The following ISG20L2 variants were observed in gnomAD, a reference collection of about 807,000 sequenced individuals.
ISG20L2 encodes the protein interferon stimulated exonuclease gene 20 like 2.
ISG20L2 carries 14 observed loss-of-function variants against 27.8 expected under a neutral mutation model. That is an observed-to-expected ratio of 0.50 (90% CI 0.33 to 0.79). ISG20L2 has a LOEUF of 0.79. ISG20L2 is among the 30% of genes least tolerant of loss of function. The pLI is 0.02. For synonymous variants in ISG20L2, 157 were observed against 165.7 expected (o/e 0.95, Z 0.40); for missense variants, 393 against 435.1 (o/e 0.90, Z 0.86).
At chr1:156,725,928 A>T (rs1330208615) in intron 2 of ISG20L2, 4 of 985,418 alleles carry the variant, frequency 4.1e-6, no homozygotes, top group East Asian at 2.3e-4. Flanking sequence ...GAGAGGGCAG[A>T]GTGTGGACCT....
intron 2 of ISG20L2, chr1:156,725,241 C>A (rs1648700671): frequency 6.6e-6 from 1 of 152,230 alleles, no homozygotes; most frequent in Non-Finnish European, 1.5e-5. Flanking sequence ...TGAGCCACCA[C>A]ACCTGGCCTT....
chr1:156,727,562 T>C lies in ISG20L2; in HGVS notation c.91A>G (p.Lys31Glu). ...GNAKHRNFVK[K>E]RRLLERRGFL... ...CCTCTCCGTTCTAAGAGCCTCCGCTTCTTGACAAAATTTCGGTGCTTGGCA... is the reference window on the plus strand; with the variant it reads ...CCTCTCCGTTCTAAGAGCCTCCGCTCCTTGACAAAATTTCGGTGCTTGGCA... Residue 31 changes from lysine to glutamate, a missense_variant, in exon 2 of 4, where the codon AAG becomes GAG. Coordinates refer to ENST00000368219, the MANE Select transcript of ISG20L2 (RefSeq NM_001370150.2). 6.2e-7 allele frequency: 1 copy of C among 1,614,198 alleles called. No homozygotes were observed. The highest frequency in any genetic ancestry group is 8.5e-7 in the Non-Finnish European group (1 of 1,180,034).
In ISG20L2 at chr1:156,727,776, A is replaced by T; in HGVS notation, c.-117-7T>A. 1.3e-6 allele frequency: 2 copies of T among 1,492,702 alleles called. No homozygotes were observed. Among genetic ancestry groups the T allele is most frequent in the Non-Finnish European group, 1.8e-6 (2 of 1,130,924 alleles). The allele number at this position is 1,492,702 out of a possible 1,614,324, so 92.5% of individuals were successfully genotyped here. On this transcript the variant is annotated splice_region_variant and splice_polypyrimidine_tract_variant and intron_variant, in intron 1 of 3. Transcript: ENST00000368219. ...TGGAGGTCTGTAGTACACCCTGGGG[A>T]AGAAAGTGATCCTGGTAATTGAGCT... is the stretch of plus-strand genomic sequence containing the variant.
At chr1:156,727,846 C>G in intron 1 of ISG20L2, 77 bp from the exon 2 acceptor site, 1 of 1,393,210 alleles carries the variant, frequency 7.2e-7, no homozygotes, top group African/African-American at 1.4e-5. Context: ...CTCCGTAGGA[C>G]TTATGGAAGG....
Position 156,725,844 on chromosome 1 carries a change from T to C in ISG20L2, c.747+1062A>G, listed in dbSNP as rs1189615070. On this transcript the variant is annotated intron_variant, in intron 2 of 3. Coordinates refer to ENST00000368219, the MANE Select transcript of ISG20L2 (RefSeq NM_001370150.2). Reference sequence around the variant, plus strand: ...ACTCTTCTTTCCGTCTTTTCTAAAATAGTCAGTCACCTCACCTCTAACGAA... The same window carrying C: ...ACTCTTCTTTCCGTCTTTTCTAAAACAGTCAGTCACCTCACCTCTAACGAA... 7 of 982,440 alleles carry C rather than the reference T, an allele frequency of 7.1e-6. No individual in the cohort carries two copies. In the South Asian group the frequency reaches 1.4e-4, roughly 20 times the overall value. The allele number at this position is 982,440 out of a possible 1,614,324, so 60.9% of individuals were successfully genotyped here. A position where few individuals can be genotyped will look rare whatever the true frequency, so the allele number is the denominator to read the frequency against.
chr1:156,726,318 T>C, intron 2 of ISG20L2: 3 of 985,422 alleles, frequency 3.0e-6, no homozygotes, highest in Non-Finnish European at 3.6e-6. Context: ...ATCAAGCCCT[T>C]TCTCCTGACA....
rs566578535 is a variant in ISG20L2 at position 156,723,263 on chromosome 1, G to A, written c.*86C>T. Reference sequence around the variant, plus strand: ...CAAATCTAGCTTCCAAAGATGTGGAGCTGGTGGAGCTGTCCATTGGTCCAC... The same window carrying A: ...CAAATCTAGCTTCCAAAGATGTGGAACTGGTGGAGCTGTCCATTGGTCCAC... On this transcript the variant is annotated 3_prime_UTR_variant, in exon 4 of 4. Transcript: ENST00000368219. 4.7e-6 allele frequency: 7 copies of A among 1,492,532 alleles called. No individual in the cohort carries two copies. In the African/African-American group the frequency reaches 6.9e-5, roughly 15 times the overall value. 92.5% of individuals were successfully genotyped at this position (1,492,532 alleles called of 1,614,324 possible). A position where few individuals can be genotyped will look rare whatever the true frequency, so the allele number is the denominator to read the frequency against.
intron 2 of ISG20L2, chr1:156,725,574 G>A (rs1469392464): frequency 6.6e-6 from 1 of 152,292 alleles, no homozygotes; most frequent in African/African-American, 2.4e-5. Context: ...ACATACCTTA[G>A]TCTCATAACC....
Position 156,723,099 on chromosome 1 carries a change from T to C in ISG20L2, c.*250A>G, listed in dbSNP as rs1648605857. ...CCTGGGACACCTGTGGTTAGCACCATTTAAGAAGTAAAAGGTATAGGGTTG... is the reference window on the plus strand; with the variant it reads ...CCTGGGACACCTGTGGTTAGCACCACTTAAGAAGTAAAAGGTATAGGGTTG... On this transcript the variant is annotated 3_prime_UTR_variant, in exon 4 of 4. Coordinates refer to ENST00000368219, the MANE Select transcript of ISG20L2 (RefSeq NM_001370150.2). 2 of 470,332 alleles carry C rather than the reference T, an allele frequency of 4.3e-6. No individual in the cohort carries two copies. The highest frequency in any genetic ancestry group is 7.7e-6 in the Non-Finnish European group (2 of 261,266). The allele number at this position is 470,332 out of a possible 1,614,324, so 29.1% of individuals were successfully genotyped here.
intron 2 of ISG20L2, chr1:156,724,584 C>T: frequency 1.2e-5 from 15 of 1,300,642 alleles, no homozygotes; most frequent in Non-Finnish European, 1.5e-5. Flanking sequence ...GGCTCCTTAC[C>T]TTCTTATTGA....
In ISG20L2 at chr1:156,723,215, C is replaced by T. The variant is rs771972255; in HGVS notation, c.*134G>A. On this transcript the variant is annotated 3_prime_UTR_variant, in exon 4 of 4. Coordinates refer to ENST00000368219, the MANE Select transcript of ISG20L2 (RefSeq NM_001370150.2). ...GGTGAAATTTCAATGGGTATTAAGT[C>T]TGGGGTAGAGCTTCTCTCTCCCCAA... The T allele has an allele frequency of 1.0e-5, 11 of 1,095,574 alleles. No homozygotes were observed. Among genetic ancestry groups the T allele is most frequent in the Non-Finnish European group, 1.3e-5 (10 of 748,290 alleles). 67.9% of individuals were successfully genotyped at this position (1,095,574 alleles called of 1,614,324 possible). A position where few individuals can be genotyped will look rare whatever the true frequency, so the allele number is the denominator to read the frequency against.
In ISG20L2 at chr1:156,723,446, T is replaced by A; in HGVS notation, c.965A>T (p.His322Leu). 6.2e-7 allele frequency: 1 copy of A among 1,614,096 alleles called. No homozygotes were observed. The highest frequency in any genetic ancestry group is 8.5e-7 in the Non-Finnish European group (1 of 1,180,000). ...GGCCTGGGCATCTTCCACAGAGGAA[T>A]GTCCGCTCTTCCCAACCTGAGCAAG... ...NRDIQVGKSGHSSVEDAQATM... is the reference protein window; with the variant it reads ...NRDIQVGKSGLSSVEDAQATM... The change falls in exon 4 of 4, where the codon CAT (histidine) becomes CTT (leucine). Residue 322 changes from histidine (H) to leucine (L), a missense_variant. Transcript: ENST00000368219.
chr1:156,725,925 C>T, intron 2 of ISG20L2: 3 of 985,540 alleles, frequency 3.0e-6, no homozygotes, highest in Non-Finnish European at 2.4e-6. Context: ...CCAGAGAGGG[C>T]AGAGTGTGGA....
chr1:156,723,624 A>C (rs1648629126), intron 3 of ISG20L2, 162 bp from the exon 4 acceptor site: 1 of 985,250 alleles, frequency 1.0e-6, no homozygotes, highest in Non-Finnish European at 1.2e-6. Context: ...CTCCTTATGT[A>C]ATTTCAGGGG....
chr1:156,726,421 GTTT>G (rs1266259423), intron 2 of ISG20L2: 2 of 985,134 alleles, frequency 2.0e-6, no homozygotes, highest in Non-Finnish European at 2.4e-6. Flanking sequence ...ACCTAAAATA[GTTT>G]TTTTGTTTGT....
chr1:156,724,240 T>C lies in ISG20L2; in HGVS notation c.856A>G (p.Ile286Val), dbSNP rs775476547. Reference sequence around the variant, plus strand: ...TCAGCCTTCCGGTTGAGGGGGGGGATATGGGAGGTGTCACGGGTGAGGGAC... The same window carrying C: ...TCAGCCTTCCGGTTGAGGGGGGGGACATGGGAGGTGTCACGGGTGAGGGAC... ...PKSLTRDTSHIPPLNRKADCP... is the reference protein window; with the variant it reads ...PKSLTRDTSHVPPLNRKADCP... Residue 286 changes from isoleucine (I) to valine (V), a missense_variant, in exon 3 of 4, where the codon ATC (isoleucine) becomes GTC (valine). Physicochemically the swap from Ile to Val is conservative, Grantham distance 29 (BLOSUM62 3). Around this residue, in one of 3 missense-constraint regions of ISG20L2, gnomAD observed 171 missense variants for 195.3 expected, o/e 0.88. Transcript: ENST00000368219. 1 of 1,601,116 alleles carries C rather than the reference T, an allele frequency of 6.2e-7. No homozygotes were observed. The highest frequency in any genetic ancestry group is 1.7e-5 in the Admixed American group (1 of 59,768).
In ISG20L2 at chr1:156,727,531, A is replaced by G. The variant is rs1419087801; in HGVS notation, c.122T>C (p.Leu41Pro). 6.2e-7 allele frequency: 1 copy of G among 1,614,202 alleles called. No individual in the cohort carries two copies. Among genetic ancestry groups the G allele is most frequent in the Non-Finnish European group, 8.5e-7 (1 of 1,180,044 alleles). Residue 41 changes from leucine to proline, a missense_variant, in exon 2 of 4, where the codon CTG (leucine) becomes CCG (proline). By Grantham distance (98) the Leu-to-Pro change is moderately conservative. Coordinates refer to ENST00000368219, the MANE Select transcript of ISG20L2 (RefSeq NM_001370150.2). ...GCTAGGGGGTTGGTTCTTTTTACTC[A>G]GAAAGCCTCTCCGTTCTAAGAGCCT... is the stretch of plus-strand genomic sequence containing the variant. Reference protein sequence around the residue: ...KRRLLERRGFLSKKNQPPSKA... With the variant: ...KRRLLERRGFPSKKNQPPSKA...
Position 156,728,541 on chromosome 1 carries a change from C to G in ISG20L2, c.-244G>C, listed in dbSNP as rs1005298587. 2.0e-6 allele frequency: 2 copies of G among 985,620 alleles called. No individual in the cohort carries two copies. Among genetic ancestry groups the G allele is most frequent in the Non-Finnish European group, 2.4e-6 (2 of 829,910 alleles). 61.1% of individuals were successfully genotyped at this position (985,620 alleles called of 1,614,324 possible). A position where few individuals can be genotyped will look rare whatever the true frequency, so the allele number is the denominator to read the frequency against. On this transcript the variant is annotated 5_prime_UTR_variant, in exon 1 of 4. Coordinates refer to ENST00000368219, the MANE Select transcript of ISG20L2 (RefSeq NM_001370150.2). Reference sequence around the variant, plus strand: ...CGCCAGAGGTCGGCGCGCGCACACCCGCACCGCCCCGACCCCAGGTAGTGA... The same window carrying G: ...CGCCAGAGGTCGGCGCGCGCACACCGGCACCGCCCCGACCCCAGGTAGTGA...
chr1:156,724,400 C>T lies in ISG20L2; in HGVS notation c.748-52G>A, dbSNP rs560389558. 9 of 1,508,068 alleles carry T rather than the reference C, an allele frequency of 6.0e-6. No homozygotes were observed. The Admixed American group carries it at 1.7e-4, about 29-fold the overall frequency. The allele number at this position is 1,508,068 out of a possible 1,614,324, so 93.4% of individuals were successfully genotyped here. ...TGAGAAGGAAGACTGAAGTGGAACC[C>T]CTGCATTCTGAAAGCCCAACATGAC... On this transcript the variant is annotated intron_variant, in intron 2 of 3. Coordinates refer to ENST00000368219, the MANE Select transcript of ISG20L2 (RefSeq NM_001370150.2).
Sources: allele counts gnomAD v4.1 joint callset, GRCh38; gene constraint gnomAD v4.1.1; regional missense constraint gnomAD v4.1.1; transcripts MANE v1.5; gene names NCBI Gene and HGNC (gene_info 2026-07-23, HGNC 2026-07-21).